TWIST2: variants seen among roughly 807,000 people sequenced by gnomAD.
TWIST2 encodes twist family bHLH transcription factor 2, also known as twist-related protein 2.
A neutral mutation model predicts 11.6 loss-of-function variants in TWIST2; 1 was observed. That is an observed-to-expected ratio of 0.09 (90% CI 0.03 to 0.41). TWIST2 has a LOEUF of 0.41. Ranked by LOEUF, TWIST2 falls within the 10% of genes least tolerant of loss-of-function variation. The probability of loss-of-function intolerance (pLI) is 0.98; values close to 1 mark genes in which losing one functional copy is unlikely to be tolerated. For missense variants in TWIST2, 168 were observed against 226.4 expected (o/e 0.74, Z 1.66); for synonymous variants, 87 against 96.6 (o/e 0.90, Z 0.58).
At chr2:238,895,754 A>T (rs1489738287) in intron 1 of TWIST2, among the ~76,000 whole-genome samples, 6 of 152,166 alleles carry the variant, frequency 3.9e-5, no homozygotes, top group Admixed American at 3.9e-4. Context: ...CCCGCCCTGG[A>T]GAGCCTGGGG....
intron 1 of TWIST2, among the ~76,000 whole-genome samples, chr2:238,892,542 G>A (rs373322088): frequency 6.6e-6 from 1 of 151,918 alleles, no homozygotes; most frequent in Non-Finnish European, 1.5e-5. Context: ...GTGCAGTGGC[G>A]TGATCTCGGC....
chr2:238,868,641 G>A (rs1400984492), intron 1 of TWIST2, among the ~76,000 whole-genome samples: 1 of 152,222 alleles, frequency 6.6e-6, no homozygotes, highest in Non-Finnish European at 1.5e-5. Context: ...CTGTGACTGT[G>A]TCTGTGGGAC....
intron 1 of TWIST2, among the ~76,000 whole-genome samples, chr2:238,876,157 C>G (rs1692801586): frequency 6.6e-6 from 1 of 152,200 alleles, no homozygotes; most frequent in African/African-American, 2.4e-5. Context: ...CGGATGGCCA[C>G]ACAGCCGCTT....
intron 1 of TWIST2, among the ~76,000 whole-genome samples, chr2:238,878,513 G>T (rs1006576954): frequency 6.6e-6 from 1 of 152,186 alleles, no homozygotes; most frequent in Non-Finnish European, 1.5e-5. Flanking sequence ...CGGCATCCCA[G>T]GTCCTGGTGA....
chr2:238,866,174 G>A lies in TWIST2; in HGVS notation c.*35+17441G>A, dbSNP rs537211488. Among the ~76,000 whole-genome samples the A allele has an allele frequency of 2.0e-5, 3 of 152,300 alleles. No homozygotes were observed. Among genetic ancestry groups the A allele is most frequent in the East Asian group, 3.9e-4 (2 of 5,172 alleles). ...AGGATGGCCAGGCCTGCCAGGCACCGCCCAGGTTCCCCATGGCACGGGCCC... is the reference window on the plus strand; with the variant it reads ...AGGATGGCCAGGCCTGCCAGGCACCACCCAGGTTCCCCATGGCACGGGCCC... On this transcript the variant is annotated intron_variant, in intron 1 of 1. Coordinates refer to ENST00000612363, the MANE Select transcript of TWIST2 (RefSeq NM_001271893.4). This position sits in a 1 kb window ranked among gnomAD's most constrained non-coding sequence, Gnocchi z 4.9.
At position 238,867,112 on chromosome 2, in the gene TWIST2, C is replaced by T. The variant is rs1434415041; in HGVS notation, c.*35+18379C>T. Among the ~76,000 whole-genome samples, 3 of 152,144 alleles carry T rather than the reference C, an allele frequency of 2.0e-5. No individual in the cohort carries two copies. The highest frequency in any genetic ancestry group is 4.4e-5 in the Non-Finnish European group (3 of 68,038). Reference sequence around the variant, plus strand: ...TTGTGTTTGCCCCAAACAGAGGAGCCAGCCTCTTGTTTCGAGGGCCTTTTC... The same window carrying T: ...TTGTGTTTGCCCCAAACAGAGGAGCTAGCCTCTTGTTTCGAGGGCCTTTTC... On this transcript the variant is annotated intron_variant, in intron 1 of 1. Transcript: ENST00000612363. This position sits in a 1 kb window ranked among gnomAD's most constrained non-coding sequence, Gnocchi z 4.8.
chr2:238,909,788 CAGGAGGCCGAGCGAGGCGGCCGTAGCT>C (rs1209467380), intron 1 of TWIST2, 27 bp from the exon 2 acceptor site: 3 of 152,290 alleles, frequency 2.0e-5, no homozygotes, highest in Non-Finnish European at 4.4e-5. Flanking sequence ...GACGATCCTG[CAGGAGGCCGAGCGAGGCGGCCGTAGCT>C]CACGGTCCCC....
intron 1 of TWIST2, among the ~76,000 whole-genome samples, chr2:238,883,907 G>A (rs890308635): frequency 5.3e-5 from 8 of 152,306 alleles, no homozygotes; most frequent in South Asian, 2.1e-4. Flanking sequence ...GATCAGAGTC[G>A]CTGGGTGAAG....
At chr2:238,891,546 G>A (rs1194162108) in intron 1 of TWIST2, among the ~76,000 whole-genome samples, 1 of 152,210 alleles carries the variant, frequency 6.6e-6, no homozygotes, top group African/African-American at 2.4e-5. Context: ...TGGAGGGTGA[G>A]AGGACGGTCT....
In TWIST2 at chr2:238,891,233, C is replaced by G. The variant is rs187902937; in HGVS notation, c.*36-18609C>G. On this transcript the variant is annotated intron_variant, in intron 1 of 1. Coordinates refer to ENST00000612363, the MANE Select transcript of TWIST2 (RefSeq NM_001271893.4). ...CCAGCTCCAGGTGCTCTTAGATCAGCGAGGCCACCTTGACCCTATCGGGAG... is the reference window on the plus strand; with the variant it reads ...CCAGCTCCAGGTGCTCTTAGATCAGGGAGGCCACCTTGACCCTATCGGGAG... 2.9e-3 allele frequency among the ~76,000 whole-genome samples: 448 copies of G among 152,322 alleles called. 4 individuals carry two copies. The highest frequency in any genetic ancestry group is 0.01 in the African/African-American group (422 of 41,582).
At chr2:238,868,177 A>AGGTC (rs1692577594) in intron 1 of TWIST2, among the ~76,000 whole-genome samples, 2 of 152,092 alleles carry the variant, frequency 1.3e-5, no homozygotes, top group Non-Finnish European at 2.9e-5. Flanking sequence ...CCTGCCCAGG[A>AGGTC]GGTCAGGCTT....
intron 1 of TWIST2, among the ~76,000 whole-genome samples, chr2:238,870,586 C>CACAT (rs1692661652): frequency 2.5e-5 from 1 of 40,798 alleles, no homozygotes. Flanking sequence ...CACACACACA[C>CACAT]ACCACACACC....
chr2:238,898,355 G>C (rs1693229489), intron 1 of TWIST2, among the ~76,000 whole-genome samples: 1 of 152,220 alleles, frequency 6.6e-6, no homozygotes, highest in Non-Finnish European at 1.5e-5. Flanking sequence ...AGATGAACTG[G>C]AGATTTTGTC....
At chr2:238,881,416 T>C (rs1692927092) in intron 1 of TWIST2, among the ~76,000 whole-genome samples, 1 of 150,882 alleles carries the variant, frequency 6.6e-6, no homozygotes, top group African/African-American at 2.5e-5. Context: ...AGTGTCAGTG[T>C]TAGTGTTAGT....
chr2:238,870,898 A>C (rs1435612476), intron 1 of TWIST2, among the ~76,000 whole-genome samples: 1 of 31,266 alleles, frequency 3.2e-5, no homozygotes, highest in Non-Finnish European at 6.9e-5. Context: ...TACACACCAC[A>C]TCCCTCCCAC....
intron 1 of TWIST2, among the ~76,000 whole-genome samples, chr2:238,874,523 G>A (rs899211226): frequency 6.6e-6 from 1 of 152,144 alleles, no homozygotes; most frequent in African/African-American, 2.4e-5. Context: ...GAAATGATGT[G>A]TATCCTGGTT....
intron 1 of TWIST2, among the ~76,000 whole-genome samples, chr2:238,896,440 A>C (rs1213999919): frequency 6.6e-6 from 1 of 152,162 alleles, no homozygotes; most frequent in East Asian, 1.9e-4. Flanking sequence ...CGCCTGGCCG[A>C]GCAGTGTCCT....
At chr2:238,901,415 A>G (rs934223160) in intron 1 of TWIST2, among the ~76,000 whole-genome samples, 17 of 151,802 alleles carry the variant, frequency 1.1e-4, no homozygotes, top group African/African-American at 3.9e-4. Flanking sequence ...TTGTTTCCTA[A>G]TGGTTCCTTT....
chr2:238,902,090 G>A (rs1417714068), intron 1 of TWIST2, among the ~76,000 whole-genome samples: 4 of 152,268 alleles, frequency 2.6e-5, no homozygotes, highest in East Asian at 1.9e-4. Flanking sequence ...CACAGCCCAC[G>A]CTTCTGTGGC....
Sources: allele counts gnomAD v4.1 joint callset (sites outside exome capture counted in the v4.1 genomes callset), GRCh38; gene constraint gnomAD v4.1.1; non-coding constraint Gnocchi (gnomAD v3.1); transcripts MANE v1.5; gene names NCBI Gene and HGNC (gene_info 2026-07-23, HGNC 2026-07-21).